CACNA1S: variants seen among roughly 807,000 people sequenced by gnomAD.
CACNA1S encodes calcium voltage-gated channel subunit alpha1 S, also known as voltage-dependent L-type calcium channel subunit alpha-1S.
CACNA1S carries 126 observed loss-of-function variants against 207.4 expected under a neutral mutation model. That is an observed-to-expected ratio of 0.61 (90% CI 0.53 to 0.70). The LOEUF is 0.70. Ranked by LOEUF, CACNA1S falls within the 30% of genes least tolerant of loss-of-function variation. The pLI is 0.00. For missense variants in CACNA1S, 2,349 were observed against 2,422.8 expected (o/e 0.97, Z 0.64); for synonymous variants, 960 against 932.7 (o/e 1.03, Z -0.53).
At chr1:201,065,393 A>G (rs1343271762) in intron 22 of CACNA1S, among the ~76,000 whole-genome samples, 1 of 152,208 alleles carries the variant, frequency 6.6e-6, no homozygotes, top group African/African-American at 2.4e-5. Context: ...GGAGAGTTGT[A>G]TTTATAGATT....
chr1:201,085,463 C>A lies in CACNA1S; in HGVS notation c.1123G>T (p.Val375Phe), dbSNP rs1174671318. The A allele has an allele frequency of 1.2e-6, 2 of 1,613,406 alleles. No individual in the cohort carries two copies. The highest frequency in any genetic ancestry group is 2.7e-5 in the African/African-American group (2 of 74,674). The change falls in exon 8 of 44, where the codon GTC (valine) becomes TTC (phenylalanine). Residue 375 changes from valine (V) to phenylalanine (F), a missense_variant. Coordinates refer to ENST00000362061, the MANE Select transcript of CACNA1S (RefSeq NM_000069.3). ...GYMSWITQGE[V>F]MDVEDFREGK... ...TCTCTGAAGTCCTCAACATCCATGA[C>A]CTCGCCCTGCGTGATCCAGCTCATG...
intron 13 of CACNA1S, among the ~76,000 whole-genome samples, chr1:201,075,036 C>T (rs556999419): frequency 1.3e-5 from 2 of 152,316 alleles, no homozygotes; most frequent in East Asian, 1.9e-4. Flanking sequence ...CCGGCCCCAT[C>T]CACCTTACCC....
In CACNA1S at chr1:201,061,385, A is replaced by T. The variant is rs749706205; in HGVS notation, c.3137T>A (p.Ile1046Asn). The change falls in exon 25 of 44, where the codon ATC becomes AAC. Residue 1046 changes from isoleucine to asparagine, a missense_variant. Coordinates refer to ENST00000362061, the MANE Select transcript of CACNA1S (RefSeq NM_000069.3). ...NNRVEMAIFF[I>N]IYIILIAFFM... ...GAAGGCAATGAGGATGATGTAGATGATGAAGAAGATGGCCATCTCCACACG... is the reference window on the plus strand; with the variant it reads ...GAAGGCAATGAGGATGATGTAGATGTTGAAGAAGATGGCCATCTCCACACG... 18 of 1,614,230 alleles carry T rather than the reference A, an allele frequency of 1.1e-5. No homozygotes were observed. Among genetic ancestry groups the T allele is most frequent in the Non-Finnish European group, 1.5e-5 (18 of 1,180,034 alleles).
chr1:201,041,794 G>C, intron 40 of CACNA1S: 1 of 644,668 alleles, frequency 1.6e-6, no homozygotes, highest in Non-Finnish European at 2.8e-6. Flanking sequence ...GAGCATTCCT[G>C]ACTCCACTCC....
chr1:201,080,064 T>C (rs1165887063), intron 10 of CACNA1S, among the ~76,000 whole-genome samples: 2 of 152,186 alleles, frequency 1.3e-5, no homozygotes, highest in African/African-American at 4.8e-5. Context: ...AGTGATACCC[T>C]TGAGTATACA....
chr1:201,046,368 A>G (rs1351343713), intron 38 of CACNA1S, among the ~76,000 whole-genome samples: 1 of 152,058 alleles, frequency 6.6e-6, no homozygotes, highest in Non-Finnish European at 1.5e-5. Context: ...TTTAGTAGAG[A>G]TGGGGTTCTA....
chr1:201,092,131 G>A lies in CACNA1S; in HGVS notation c.399-17C>T, dbSNP rs1662256911. ...GTGAAGACCCTAGAATGGAGAAGAG[G>A]GAGAGAGGGGGTCCAGGGGTTGGAA... On this transcript the variant is annotated splice_polypyrimidine_tract_variant and intron_variant, in intron 3 of 43. Transcript: ENST00000362061. 9 of 1,614,070 alleles carry A rather than the reference G, an allele frequency of 5.6e-6. No individual in the cohort carries two copies. The highest frequency in any genetic ancestry group is 5.1e-6 in the Non-Finnish European group (6 of 1,179,972).
rs553739117 is a variant in CACNA1S, at chr1:201,078,032, C to T, written c.1466G>A (p.Arg489His). The T allele has an allele frequency of 3.8e-5, 62 of 1,613,996 alleles. No individual in the cohort carries two copies. Among genetic ancestry groups the T allele is most frequent in the Admixed American group, 3.3e-4 (20 of 60,010 alleles). The change falls in exon 11 of 44, where the codon CGC (arginine) becomes CAC (histidine). Residue 489 changes from arginine (R) to histidine (H), a missense_variant. By Grantham distance (29) the Arg-to-His change is conservative (BLOSUM62 0). Transcript: ENST00000362061. ...MLMKMYGLGLRQYFMSIFNRF... is the reference protein window; with the variant it reads ...MLMKMYGLGLHQYFMSIFNRF... ...GTTGAAGATAGACATGAAGTACTGGCGCAGGCCCAGCCCGTACATCTTCAT... is the reference window on the plus strand; with the variant it reads ...GTTGAAGATAGACATGAAGTACTGGTGCAGGCCCAGCCCGTACATCTTCAT...
intron 16 of CACNA1S, among the ~76,000 whole-genome samples, chr1:201,072,208 A>C (rs1466962056): frequency 2.6e-5 from 4 of 152,100 alleles, no homozygotes; most frequent in Non-Finnish European, 4.4e-5. Flanking sequence ...GGCTATTTGC[A>C]TTTATGAGAT....
chr1:201,087,317 C>G (rs1296888974), intron 7 of CACNA1S, among the ~76,000 whole-genome samples: 1 of 152,170 alleles, frequency 6.6e-6, no homozygotes, highest in Non-Finnish European at 1.5e-5. Flanking sequence ...TTAGGTAAAG[C>G]TCACACAGCC....
intron 23 of CACNA1S, 96 bp downstream of exon 23, chr1:201,062,366 G>T: frequency 7.9e-7 from 1 of 1,271,996 alleles, no homozygotes; most frequent in South Asian, 1.2e-5. Context: ...TCCCTGCCCC[G>T]TGACCGTAAC....
Position 201,039,760 on chromosome 1 carries a change from C to G in CACNA1S, c.*71G>C, listed in dbSNP as rs1220707734. The G allele has an allele frequency of 1.6e-5, 25 of 1,587,096 alleles. No individual in the cohort carries two copies. Among genetic ancestry groups the G allele is most frequent in the Non-Finnish European group, 2.1e-5 (25 of 1,169,136 alleles). ...AGGCTGCTGCGGTGGGCTAGCCCTT[C>G]TCCACCCCAGCAACTTCCCCACCCC... On this transcript the variant is annotated 3_prime_UTR_variant, in exon 44 of 44. Transcript: ENST00000362061.
intron 10 of CACNA1S, among the ~76,000 whole-genome samples, chr1:201,081,383 A>T (rs1429306266): frequency 2.0e-5 from 3 of 152,082 alleles, no homozygotes; most frequent in Non-Finnish European, 2.9e-5. Flanking sequence ...TGTAGTGGGG[A>T]GGGCACTGAG....
chr1:201,049,244 C>T, intron 34 of CACNA1S, 145 bp from the exon 35 acceptor site: 1 of 642,396 alleles, frequency 1.6e-6, no homozygotes, highest in South Asian at 1.8e-5. Flanking sequence ...AAGTGGGAGC[C>T]CAGCTCCCTT....
chr1:201,041,347 G>A (rs1660187753), intron 41 of CACNA1S, among the ~76,000 whole-genome samples, 157 bp downstream of exon 41: 1 of 152,208 alleles, frequency 6.6e-6, no homozygotes. Flanking sequence ...AGCTGGTCCT[G>A]ATGGTTTTCC....
chr1:201,095,578 C>T (rs1035345945), intron 2 of CACNA1S, among the ~76,000 whole-genome samples: 1 of 152,164 alleles, frequency 6.6e-6, no homozygotes, highest in Non-Finnish European at 1.5e-5. Context: ...TTTCCCCTTC[C>T]AGATAGAAGG....
rs774899299 is a variant in CACNA1S, at chr1:201,077,115, C to T, written c.1632G>A (p.Ser544=). 23 of 1,613,876 alleles carry T rather than the reference C, an allele frequency of 1.4e-5. No homozygotes were observed. The highest frequency in any genetic ancestry group is 1.9e-5 in the Non-Finnish European group (22 of 1,179,950). Residue 544 remains serine (S), a synonymous_variant, in exon 12 of 44, where the codon TCG becomes TCA. Coordinates refer to ENST00000362061, the MANE Select transcript of CACNA1S (RefSeq NM_000069.3). ...RIFKITKYWT[S]LSNLVASLLN... is the part of the protein sequence containing the mutation. The stretch of plus-strand genomic sequence containing the variant: ...GCAGGGATGCCACCAGGTTGCTCAG[C>T]GACGTCCAATATCTGAAGGAAGAGG...
Position 201,107,766 on chromosome 1 carries a change from A to T in CACNA1S, c.258+2398T>A, listed in dbSNP as rs377073973. On this transcript the variant is annotated intron_variant, in intron 2 of 43. Coordinates refer to ENST00000362061, the MANE Select transcript of CACNA1S (RefSeq NM_000069.3). ...CTTGCTGGGTTTTGTGGACATGAAC[A>T]GTGAGGACCCCTGAGCTCGAAGGTG... Among the ~76,000 whole-genome samples the T allele has an allele frequency of 3.9e-5, 6 of 152,274 alleles. No individual in the cohort carries two copies. In the East Asian group the frequency reaches 7.7e-4, roughly 20 times the overall value.
chr1:201,077,706 G>C (rs1236768135), intron 11 of CACNA1S, among the ~76,000 whole-genome samples, 173 bp downstream of exon 11: 1 of 152,234 alleles, frequency 6.6e-6, no homozygotes, highest in Non-Finnish European at 1.5e-5. Flanking sequence ...AAGTGGGGAA[G>C]TGATTCTTTT....
Sources: gnomAD v4.1 joint callset for allele counts (sites outside exome capture counted in the v4.1 genomes callset) on GRCh38, gnomAD v4.1.1 for gene constraint, MANE v1.5 for transcripts, NCBI Gene and HGNC (gene_info 2026-07-23, HGNC 2026-07-21) for gene names.